Variants in RASGRF2 observed in about 807,000 individuals in gnomAD.
RASGRF2 encodes ras-specific guanine nucleotide-releasing factor 2.
Under a neutral mutation model 151.0 loss-of-function variants are expected in RASGRF2, and 76 were observed. The observed-to-expected ratio is 0.50, with a 90% CI of 0.42 to 0.61. The LOEUF is 0.61. Among genes scored for constraint, RASGRF2 ranks in the 20% least tolerant of loss-of-function variants. RASGRF2 has a pLI of 0.00. For synonymous variants in RASGRF2, 504 were observed against 566.5 expected (o/e 0.89, Z 1.57); for missense variants, 1,148 against 1,564.6 (o/e 0.73, Z 4.49).
intron 17 of RASGRF2, among the ~76,000 whole-genome samples, chr5:81,138,825 G>A (rs1225901009): frequency 6.6e-6 from 1 of 151,720 alleles, no homozygotes; most frequent in Non-Finnish European, 1.5e-5. Context: ...GTTTTCTGGT[G>A]TGTCCAAGAA....
At chr5:81,087,343 AC>A (rs1337898331) in intron 9 of RASGRF2, 1 of 702,976 alleles carries the variant, frequency 1.4e-6, no homozygotes, top group East Asian at 2.7e-5. Flanking sequence ...TTCACATAAG[AC>A]TGGGGACCAT....
chr5:81,164,853 C>T (rs1225217107), intron 17 of RASGRF2, among the ~76,000 whole-genome samples: 1 of 152,050 alleles, frequency 6.6e-6, no homozygotes, highest in African/African-American at 2.4e-5. Context: ...GACATCTAGG[C>T]GGGGCAGAAG....
At chr5:81,069,233 G>A (rs956448770) in intron 3 of RASGRF2, among the ~76,000 whole-genome samples, 1 of 152,202 alleles carries the variant, frequency 6.6e-6, no homozygotes, top group Admixed American at 6.5e-5. Flanking sequence ...GGGTACAAGC[G>A]TCCTCCAACA....
intron 1 of RASGRF2, among the ~76,000 whole-genome samples, chr5:80,971,103 C>T (rs2112217634): frequency 6.6e-6 from 1 of 152,246 alleles, no homozygotes; most frequent in East Asian, 1.9e-4. Flanking sequence ...TAGCGTACAT[C>T]AGAAAAGTAC....
rs1035214185 is a variant in RASGRF2, at chr5:80,993,341, T to C, written c.288+32315T>C. Among the ~76,000 whole-genome samples, 16 of 152,264 alleles carry C rather than the reference T, an allele frequency of 1.1e-4. 1 individual carries two copies. The highest frequency in any genetic ancestry group is 1.0e-3 in the Admixed American group (16 of 15,286). On this transcript the variant is annotated intron_variant, in intron 1 of 26. Transcript: ENST00000265080. ...AATGGAAATATTTTAAATTAATCAG[T>C]GGAACATTTGTGCCTAAAGCTTTTG...
chr5:81,152,951 T>G (rs1754171030), intron 17 of RASGRF2, among the ~76,000 whole-genome samples: 1 of 152,114 alleles, frequency 6.6e-6, no homozygotes, highest in African/African-American at 2.4e-5. Context: ...TTGAGTGTTG[T>G]TGGAAACATT....
At chr5:81,070,704 C>T in intron 4 of RASGRF2, 123 bp downstream of exon 4, 1 of 729,424 alleles carries the variant, frequency 1.4e-6, no homozygotes, top group Non-Finnish European at 2.3e-6. Flanking sequence ...CTATGGCTCC[C>T]AGACTTGCCC....
chr5:81,102,033 A>G (rs1242385763), intron 12 of RASGRF2, among the ~76,000 whole-genome samples: 3 of 152,204 alleles, frequency 2.0e-5, no homozygotes, highest in African/African-American at 7.2e-5. Flanking sequence ...GAAATGTTTA[A>G]CATATAAAAT....
At chr5:81,012,473 C>T (rs1749494683) in intron 1 of RASGRF2, among the ~76,000 whole-genome samples, 1 of 152,108 alleles carries the variant, frequency 6.6e-6, no homozygotes, top group East Asian at 1.9e-4. Flanking sequence ...AGATCTCTGC[C>T]TCAGAGAAGG....
intron 1 of RASGRF2, among the ~76,000 whole-genome samples, chr5:81,008,139 C>CTTTTTTTTTT (rs58105434): frequency 1.9e-4 from 16 of 85,418 alleles, no homozygotes; most frequent in Non-Finnish European, 1.8e-4. Flanking sequence ...TCTTTCTTTC[C>CTTTTTTTTTT]TTTTTTTTTT....
At chr5:81,160,126 A>G (rs1181782510) in intron 17 of RASGRF2, among the ~76,000 whole-genome samples, 1 of 152,192 alleles carries the variant, frequency 6.6e-6, no homozygotes, top group Non-Finnish European at 1.5e-5. Flanking sequence ...CGTCTCTACA[A>G]AATAAAAAAT....
At chr5:81,020,369 C>T (rs2112335158) in intron 1 of RASGRF2, among the ~76,000 whole-genome samples, 1 of 152,180 alleles carries the variant, frequency 6.6e-6, no homozygotes, top group East Asian at 1.9e-4. Flanking sequence ...TTTTAGAAAT[C>T]TGTGTATAAA....
intron 1 of RASGRF2, among the ~76,000 whole-genome samples, chr5:80,968,511 C>T (rs1240845602): frequency 6.6e-6 from 1 of 152,122 alleles, no homozygotes; most frequent in African/African-American, 2.4e-5. Flanking sequence ...GGAAAGAGTT[C>T]ATAATGAGTT....
At chr5:81,150,566 C>A (rs922282324) in intron 17 of RASGRF2, among the ~76,000 whole-genome samples, 3 of 152,084 alleles carry the variant, frequency 2.0e-5, no homozygotes, top group African/African-American at 7.2e-5. Flanking sequence ...TAGATGCATC[C>A]CCCCATCATC....
Position 81,191,632 on chromosome 5 carries a change from T to C in RASGRF2, c.2794-9698T>C, listed in dbSNP as rs915272892. ...TCATTTTCTTGAAAATGACAATCCA[T>C]ATAAATTTACCACCTACCTAATGGA... On this transcript the variant is annotated intron_variant, in intron 18 of 26. Coordinates refer to ENST00000265080, the MANE Select transcript of RASGRF2 (RefSeq NM_006909.3). Among the ~76,000 whole-genome samples the C allele has an allele frequency of 3.3e-5, 5 of 151,932 alleles. No homozygotes were observed. The South Asian group carries it at 6.2e-4, about 19-fold the overall frequency.
intron 2 of RASGRF2, among the ~76,000 whole-genome samples, chr5:81,043,307 C>T (rs1750737388): frequency 6.6e-6 from 1 of 152,170 alleles, no homozygotes; most frequent in African/African-American, 2.4e-5. Flanking sequence ...CAACAATCGG[C>T]AAGAGGGGCA....
chr5:81,070,789 C>CT (rs1751750951), intron 4 of RASGRF2, among the ~76,000 whole-genome samples: 1 of 151,960 alleles, frequency 6.6e-6, no homozygotes, highest in Non-Finnish European at 1.5e-5. Flanking sequence ...GGAAGGATGC[C>CT]AAAACCAGGC....
chr5:81,003,477 C>A (rs1399523457), intron 1 of RASGRF2, among the ~76,000 whole-genome samples: 2 of 152,124 alleles, frequency 1.3e-5, no homozygotes, highest in Non-Finnish European at 1.5e-5. Flanking sequence ...CCCGCCTTGG[C>A]CTCCCAAAGT....
chr5:81,067,026 A>G (rs944817273), intron 2 of RASGRF2, among the ~76,000 whole-genome samples: 5 of 152,208 alleles, frequency 3.3e-5, no homozygotes, highest in African/African-American at 1.2e-4. Context: ...GTTTAAGAAC[A>G]TGGACTTCGG....
Sources: gnomAD v4.1 joint callset for allele counts (sites outside exome capture counted in the v4.1 genomes callset) on GRCh38, gnomAD v4.1.1 for gene constraint, MANE v1.5 for transcripts, NCBI Gene and HGNC (gene_info 2026-07-23, HGNC 2026-07-21) for gene names.